Variants in ADAM18 observed in about 807,000 individuals in gnomAD.
ADAM18 encodes disintegrin and metalloproteinase domain-containing protein 18.
A neutral mutation model predicts 94.4 loss-of-function variants in ADAM18; 117 were observed. The ratio of observed to expected loss-of-function variants is 1.24; its 90% confidence interval spans 1.07 to 1.45. The LOEUF is 1.45. Among genes scored for constraint, ADAM18 ranks in the 40% most tolerant of loss-of-function variants. The pLI, the probability that ADAM18 is intolerant of heterozygous loss-of-function variation, is 0.00. For synonymous variants in ADAM18, 327 were observed against 291.6 expected (o/e 1.12, Z -1.24); for missense variants, 936 against 880.0 (o/e 1.06, Z -0.81).
At chr8:39,691,245 A>T (rs934959385) in intron 16 of ADAM18, among the ~76,000 whole-genome samples, 4 of 152,144 alleles carry the variant, frequency 2.6e-5, no homozygotes, top group African/African-American at 9.7e-5. Flanking sequence ...AATGTAATTC[A>T]CTGCACGTAT....
chr8:39,693,185 A>T (rs1273842943), intron 17 of ADAM18, among the ~76,000 whole-genome samples: 2 of 151,592 alleles, frequency 1.3e-5, no homozygotes, highest in Non-Finnish European at 3.0e-5. Context: ...CATTTATTAA[A>T]ATTTATAATT....
intron 17 of ADAM18, among the ~76,000 whole-genome samples, chr8:39,697,035 C>T (rs1375328023): frequency 6.6e-6 from 1 of 151,496 alleles, no homozygotes; most frequent in Admixed American, 6.6e-5. Flanking sequence ...TCTTTAACTT[C>T]AGCAATGGTT....
chr8:39,709,260 C>T (rs1822328170), intron 18 of ADAM18, among the ~76,000 whole-genome samples: 1 of 152,160 alleles, frequency 6.6e-6, no homozygotes. Flanking sequence ...CCATCTCCAG[C>T]CAGATTCTTC....
rs527767274 is a variant in ADAM18 at position 39,720,743 on chromosome 8, A to T, written c.2018-3005A>T. Among the ~76,000 whole-genome samples the T allele has an allele frequency of 9.2e-5, 14 of 151,586 alleles. No individual in the cohort carries two copies. In the South Asian group the frequency reaches 2.5e-3, roughly 27 times the overall value. The stretch of plus-strand genomic sequence containing the variant: ...TATGAAAAGAAGAAAAATACCAAAG[A>T]TAAGCAAAAATGAAGACACTCATTT... On this transcript the variant is annotated intron_variant, in intron 18 of 19. Coordinates refer to ENST00000265707, the MANE Select transcript of ADAM18 (RefSeq NM_014237.3).
rs768455313 is a variant in ADAM18 at position 39,677,417 on chromosome 8, GT to G, written c.1526-11del. 4.1e-5 allele frequency: 64 copies of G among 1,579,482 alleles called. No homozygotes were observed. Among genetic ancestry groups the G allele is most frequent in the Non-Finnish European group, 4.7e-5 (54 of 1,161,042 alleles). The stretch of plus-strand genomic sequence containing the variant: ...TTAAGAATGATAATTCAACTGACAT[GT>G]TTGCATTTTAAGGTGCTCAAGGTGC... On this transcript the variant is annotated splice_polypyrimidine_tract_variant and intron_variant, in intron 14 of 19. Transcript: ENST00000265707.
chr8:39,675,296 T>C (rs1192570211), intron 14 of ADAM18, among the ~76,000 whole-genome samples: 1 of 152,212 alleles, frequency 6.6e-6, no homozygotes, highest in Non-Finnish European at 1.5e-5. Context: ...CATAGTCCCA[T>C]ATTTCTTGGA....
chr8:39,628,253 T>G lies in ADAM18; in HGVS notation c.523-1121T>G, dbSNP rs376870342. On this transcript the variant is annotated intron_variant, in intron 6 of 19. Coordinates refer to ENST00000265707, the MANE Select transcript of ADAM18 (RefSeq NM_014237.3). Reference sequence around the variant, plus strand: ...AAGTTTAAAAGACCAAACTCACATATTTTAGAATATTGAAAAAAAATGAGA... The same window carrying G: ...AAGTTTAAAAGACCAAACTCACATAGTTTAGAATATTGAAAAAAAATGAGA... 2.6e-5 allele frequency among the ~76,000 whole-genome samples: 4 copies of G among 152,010 alleles called. No individual in the cohort carries two copies. The East Asian group carries it at 5.8e-4, about 22-fold the overall frequency.
chr8:39,615,101 A>G (rs567521745), intron 6 of ADAM18, among the ~76,000 whole-genome samples: 253 of 152,276 alleles, frequency 1.7e-3, no homozygotes, highest in Middle Eastern at 0.014. Context: ...ATTTGACCAA[A>G]TGGACCTAAC....
At chr8:39,593,984 T>C (rs541290385) in intron 2 of ADAM18, among the ~76,000 whole-genome samples, 1 of 152,170 alleles carries the variant, frequency 6.6e-6, no homozygotes, top group Non-Finnish European at 1.5e-5. Context: ...CCTATTCATA[T>C]CATTTATATT....
intron 1 of ADAM18, 22 bp downstream of exon 1, chr8:39,584,699 C>G (rs1818344911): frequency 1.2e-6 from 2 of 1,610,996 alleles, no homozygotes; most frequent in East Asian, 2.2e-5. Context: ...GGAGCCTCCC[C>G]TTTCTTCTTC....
At chr8:39,658,500 G>T (rs1018155503) in intron 12 of ADAM18, among the ~76,000 whole-genome samples, 1 of 152,080 alleles carries the variant, frequency 6.6e-6, no homozygotes, top group African/African-American at 2.4e-5. Context: ...AATTTGAGTG[G>T]CCTTCTATGA....
intron 2 of ADAM18, among the ~76,000 whole-genome samples, chr8:39,598,340 G>A (rs996789412): frequency 1.4e-4 from 21 of 151,940 alleles, no homozygotes; most frequent in African/African-American, 4.1e-4. Context: ...TAGCATGAAA[G>A]GGTCTAGTTT....
At chr8:39,724,012 T>C in intron 19 of ADAM18, 105 bp downstream of exon 19, 2 of 741,006 alleles carry the variant, frequency 2.7e-6, no homozygotes, top group Non-Finnish European at 1.9e-6. Flanking sequence ...AAATATACTA[T>C]TTTAAATCTA....
intron 17 of ADAM18, among the ~76,000 whole-genome samples, chr8:39,698,296 G>T (rs1821980114): frequency 6.6e-6 from 1 of 151,616 alleles, no homozygotes; most frequent in Non-Finnish European, 1.5e-5. Flanking sequence ...ATTGTGTGGG[G>T]AAATTTCATC....
chr8:39,636,009 GT>G (rs1286518727), intron 7 of ADAM18, among the ~76,000 whole-genome samples: 75 of 131,020 alleles, frequency 5.7e-4, no homozygotes, highest in East Asian at 8.8e-4. Context: ...AAGTTTTTTT[GT>G]TTTTTTTTTT....
intron 10 of ADAM18, among the ~76,000 whole-genome samples, chr8:39,643,930 G>A (rs1373573585): frequency 6.6e-6 from 1 of 151,350 alleles, no homozygotes; most frequent in Non-Finnish European, 1.5e-5. Flanking sequence ...CTCATATTCT[G>A]CTCTGGCTTT....
At position 39,609,155 on chromosome 8, in the gene ADAM18, G is replaced by A. The variant is rs200671551; in HGVS notation, c.267+35G>A. 3.8e-5 allele frequency: 50 copies of A among 1,328,222 alleles called. No homozygotes were observed. The East Asian group carries it at 1.1e-3, about 29-fold the overall frequency. 82.3% of individuals were successfully genotyped at this position (1,328,222 alleles called of 1,614,324 possible). A position where few individuals can be genotyped will look rare whatever the true frequency, so the allele number is the denominator to read the frequency against. On this transcript the variant is annotated intron_variant, in intron 4 of 19. Coordinates refer to ENST00000265707, the MANE Select transcript of ADAM18 (RefSeq NM_014237.3). ...GATACCTTATTTTTTTTGTTAAAGT[G>A]GTTATATTATTACCATTAGAATGTG...
intron 7 of ADAM18, among the ~76,000 whole-genome samples, chr8:39,636,181 G>C (rs1249905947): frequency 6.6e-6 from 1 of 151,724 alleles, no homozygotes; most frequent in Admixed American, 6.6e-5. Flanking sequence ...ACAATGCCTG[G>C]ATAATTTTTT....
chr8:39,701,386 T>C (rs1226010457), intron 17 of ADAM18, among the ~76,000 whole-genome samples: 1 of 152,032 alleles, frequency 6.6e-6, no homozygotes, highest in Non-Finnish European at 1.5e-5. Flanking sequence ...TTTATTAAGA[T>C]GCTTGTTGTT....
Sources: gnomAD v4.1 joint callset for allele counts (sites outside exome capture counted in the v4.1 genomes callset) on GRCh38, gnomAD v4.1.1 for gene constraint, MANE v1.5 for transcripts, NCBI Gene and HGNC (gene_info 2026-07-23, HGNC 2026-07-21) for gene names.